The following CNTN4 variants were observed in gnomAD, a reference collection of about 807,000 sequenced individuals.
The protein encoded by CNTN4 is contactin-4.
CNTN4 carries 77 observed loss-of-function variants against 122.5 expected under a neutral mutation model. That is an observed-to-expected ratio of 0.63 (90% confidence interval 0.52 to 0.76). CNTN4 has a LOEUF of 0.76. CNTN4 is among the 30% of genes least tolerant of loss of function. CNTN4 has a pLI of 0.00. For synonymous variants in CNTN4, 512 were observed against 447.0 expected, an observed-to-expected ratio of 1.15 and a Z score of -1.83; for missense variants, 1,256 against 1,259.1, an observed-to-expected ratio of 1.00 and a Z score of 0.04.
At chr3:3,009,358 T>C (rs1384317453) in intron 14 of CNTN4, among the ~76,000 whole-genome samples, 4 of 152,184 alleles carry the variant, frequency 2.6e-5, no homozygotes, top group Admixed American at 1.3e-4. Context: ...TTCTTGTTTA[T>C]GCAAATAAAC....
At chr3:2,231,677 C>T (rs926517711) in intron 2 of CNTN4, among the ~76,000 whole-genome samples, 1 of 152,122 alleles carries the variant, frequency 6.6e-6, no homozygotes, top group African/African-American at 2.4e-5. Flanking sequence ...GGGTTAAAGT[C>T]AAATAAAAGC....
chr3:2,656,100 T>G (rs2083577621), intron 4 of CNTN4, among the ~76,000 whole-genome samples: 1 of 152,244 alleles, frequency 6.6e-6, no homozygotes, highest in Non-Finnish European at 1.5e-5. Context: ...GCGAGAATGT[T>G]GAAGAGTAGC....
intron 2 of CNTN4, among the ~76,000 whole-genome samples, chr3:2,148,035 G>C (rs2035327454): frequency 6.6e-6 from 1 of 152,016 alleles, no homozygotes; most frequent in Non-Finnish European, 1.5e-5. Context: ...GGCTCCTAGT[G>C]CCTTTTTTCT....
At chr3:2,862,256 A>C (rs2093678619) in intron 7 of CNTN4, among the ~76,000 whole-genome samples, 1 of 152,248 alleles carries the variant, frequency 6.6e-6, no homozygotes, top group Admixed American at 6.5e-5. Context: ...TTAAAGAGCA[A>C]CCATCCAGAG....
At chr3:2,667,237 T>A (rs1379823029) in intron 4 of CNTN4, among the ~76,000 whole-genome samples, 1 of 152,150 alleles carries the variant, frequency 6.6e-6, no homozygotes, top group Non-Finnish European at 1.5e-5. Flanking sequence ...TTTCTCCACA[T>A]CCTCTCCAGC....
At chr3:2,416,514 A>G (rs1380041516) in intron 3 of CNTN4, among the ~76,000 whole-genome samples, 1 of 152,198 alleles carries the variant, frequency 6.6e-6, no homozygotes, top group Non-Finnish European at 1.5e-5. Context: ...CTTCCCCAAA[A>G]TGGAATATTG....
At chr3:2,228,124 T>C (rs1316088302) in intron 2 of CNTN4, among the ~76,000 whole-genome samples, 1 of 152,134 alleles carries the variant, frequency 6.6e-6, no homozygotes, top group Non-Finnish European at 1.5e-5. Flanking sequence ...TGATTTTTTT[T>C]CAAAAATAAA....
chr3:2,343,108 T>C (rs1027691408), intron 3 of CNTN4, among the ~76,000 whole-genome samples: 1 of 152,178 alleles, frequency 6.6e-6, no homozygotes, highest in African/African-American at 2.4e-5. Context: ...TAAGGAAATA[T>C]ATGTTTTAGG....
In CNTN4 at chr3:3,051,768, C is replaced by G. The variant is rs6764141; in HGVS notation, c.2812-2039C>G. On this transcript the variant is annotated intron_variant, in intron 23 of 24. Coordinates refer to ENST00000418658, the MANE Select transcript of CNTN4 (RefSeq NM_175607.3). ...ATTAAGGTGATGAAATGCCAGGGAA[C>G]AGATGGGTTCTAAACCATTCTAAAG... Among the ~76,000 whole-genome samples, 494 of 152,336 alleles carry G rather than the reference C, an allele frequency of 3.2e-3. 1 individual carries two copies. The highest frequency in any genetic ancestry group is 0.011 in the African/African-American group (473 of 41,578).
intron 6 of CNTN4, among the ~76,000 whole-genome samples, chr3:2,784,190 G>A (rs537782701): frequency 1.3e-5 from 2 of 152,236 alleles, no homozygotes; most frequent in Non-Finnish European, 2.9e-5. Context: ...TGGGGACCGG[G>A]TATGTAACAT....
At chr3:2,339,639 A>G (rs2044105314) in intron 3 of CNTN4, among the ~76,000 whole-genome samples, 1 of 152,234 alleles carries the variant, frequency 6.6e-6, no homozygotes, top group Non-Finnish European at 1.5e-5. Flanking sequence ...ATAAATACTC[A>G]GATCTTAAAA....
At chr3:2,731,655 G>A (rs892093540) in intron 4 of CNTN4, among the ~76,000 whole-genome samples, 1 of 152,146 alleles carries the variant, frequency 6.6e-6, no homozygotes, top group East Asian at 1.9e-4. Flanking sequence ...CTCTAATAAT[G>A]TGAGCCCATG....
chr3:2,795,796 A>G (rs922094425), intron 6 of CNTN4, among the ~76,000 whole-genome samples: 5 of 152,126 alleles, frequency 3.3e-5, no homozygotes, highest in African/African-American at 1.2e-4. Flanking sequence ...CTGGGATTAC[A>G]GACGTGAGCC....
intron 4 of CNTN4, among the ~76,000 whole-genome samples, chr3:2,727,223 C>T (rs2088292808): frequency 6.6e-6 from 1 of 152,158 alleles, no homozygotes; most frequent in South Asian, 2.1e-4. Flanking sequence ...ATATAGCCCA[C>T]AAAACATGCC....
rs796951467 is a variant in CNTN4, at chr3:2,164,231, GA to G, written c.-145+63602del. On this transcript the variant is annotated intron_variant, in intron 2 of 24. Transcript: ENST00000418658. ...AAAGAAGAAAGAGAGATTGCTTGAG[GA>G]AAAAAAAAACAACAACAAAGTATAC... Among the ~76,000 whole-genome samples, 11 of 148,868 alleles carry G rather than the reference GA, an allele frequency of 7.4e-5. No individual in the cohort carries two copies. In the South Asian group the frequency reaches 8.6e-4, roughly 12 times the overall value.
chr3:2,116,560 G>C (rs1237903562), intron 2 of CNTN4, among the ~76,000 whole-genome samples: 1 of 152,168 alleles, frequency 6.6e-6, no homozygotes, highest in Admixed American at 6.5e-5. Context: ...AGCCAGGTTT[G>C]AGCGCTAAAG....
chr3:2,819,625 A>G, intron 7 of CNTN4, 44 bp downstream of exon 7: 1 of 1,370,382 alleles, frequency 7.3e-7, no homozygotes, highest in South Asian at 1.2e-5. Context: ...ACTCTCTGTT[A>G]TTTTTCTTCC....
At chr3:2,183,438 C>G (rs1176594065) in intron 2 of CNTN4, among the ~76,000 whole-genome samples, 1 of 152,148 alleles carries the variant, frequency 6.6e-6, no homozygotes, top group Non-Finnish European at 1.5e-5. Context: ...CAGTTTTCCT[C>G]TTTACTAATT....
chr3:2,905,876 T>C (rs1450755926), intron 12 of CNTN4, among the ~76,000 whole-genome samples: 1 of 152,190 alleles, frequency 6.6e-6, no homozygotes, highest in Non-Finnish European at 1.5e-5. Context: ...GGCTCAAAAT[T>C]ATAAAATATC....
Sources: allele counts gnomAD v4.1 joint callset (sites outside exome capture counted in the v4.1 genomes callset), GRCh38; gene constraint gnomAD v4.1.1; transcripts MANE v1.5; gene names NCBI Gene and HGNC (gene_info 2026-07-23, HGNC 2026-07-21).